Variants in MFSD11 observed in about 807,000 individuals in gnomAD.
MFSD11 encodes major facilitator superfamily domain containing 11.
MFSD11 carries 36 observed loss-of-function variants against 53.5 expected under a neutral mutation model. The observed-to-expected ratio is 0.67, with a 90% CI of 0.52 to 0.89. The LOEUF is 0.89. Among genes scored for constraint, MFSD11 ranks in the 40% least tolerant of loss-of-function variants. MFSD11 has a pLI of 0.00. For synonymous variants in MFSD11, 186 were observed against 184.9 expected, an observed-to-expected ratio of 1.01 and a Z score of -0.05; for missense variants, 530 against 543.9, an observed-to-expected ratio of 0.97 and a Z score of 0.25.
the MFSD11 span, among the ~76,000 whole-genome samples, chr17:76,788,379 G>T: frequency 6.8e-6 from 1 of 147,984 alleles, no homozygotes; most frequent in Non-Finnish European, 1.5e-5. Context: ...TTTTGTTGTT[G>T]TTTTGAGACA....
chr17:76,767,157 A>T, intron 8 of MFSD11: 1 of 404,786 alleles, frequency 2.5e-6, no homozygotes, highest in Non-Finnish European at 4.4e-6. Flanking sequence ...GAGCTGGAAA[A>T]TGTGCTGAGG....
Position 76,741,933 on chromosome 17 carries a change from C to A in MFSD11, c.261-36C>A, listed in dbSNP as rs550396620. 5 of 1,613,578 alleles carry A rather than the reference C, an allele frequency of 3.1e-6. No homozygotes were observed. The Middle Eastern group carries it at 8.3e-4, about 266-fold the overall frequency. ...ATAATTGGCATTCTATTTCAGGTAT[C>A]GTTTGACTGTAATACCTTGACCTGT... On this transcript the variant is annotated intron_variant, in intron 3 of 12. Coordinates refer to ENST00000685175, the MANE Select transcript of MFSD11 (RefSeq NM_001242532.5).
chr17:76,792,176 T>C, the MFSD11 span, among the ~76,000 whole-genome samples: 1 of 149,020 alleles, frequency 6.7e-6, no homozygotes, highest in Non-Finnish European at 1.5e-5. Context: ...AGGAGTGCAG[T>C]GGCACTATCT....
At chr17:76,740,844 AAT>A (rs1321603252) in intron 2 of MFSD11, 111 bp from the exon 3 acceptor site, 4 of 657,138 alleles carry the variant, frequency 6.1e-6, no homozygotes, top group African/African-American at 5.5e-5. Flanking sequence ...CTGACTAAAT[AAT>A]ATGAGTGTTT....
At chr17:76,757,301 A>G (rs2079750111) in intron 8 of MFSD11, among the ~76,000 whole-genome samples, 1 of 152,158 alleles carries the variant, frequency 6.6e-6, no homozygotes, top group African/African-American at 2.4e-5. Context: ...TTATCATAGG[A>G]TATTGGGCTG....
rs1238223385 is a variant in MFSD11, at chr17:76,774,997, G to A, written c.875G>A (p.Gly292Asp). 3 of 1,613,216 alleles carry A rather than the reference G, an allele frequency of 1.9e-6. No homozygotes were observed. Among genetic ancestry groups the A allele is most frequent in the East Asian group, 2.2e-5 (1 of 44,846 alleles). ...GIFIGIGEILGGSLFGLLSKN... is the reference protein window; with the variant it reads ...GIFIGIGEILDGSLFGLLSKN... ...ACGTTTCTGCCATCTTGACTTATAG[G>A]TGGAAGCCTCTTCGGCCTGCTGAGC... The change falls in exon 11 of 13, where the codon GGT (glycine) becomes GAT (aspartate). Residue 292 changes from glycine (G) to aspartate (D), a missense_variant and splice_region_variant. Coordinates refer to ENST00000685175, the MANE Select transcript of MFSD11 (RefSeq NM_001242532.5).
the MFSD11 span, among the ~76,000 whole-genome samples, chr17:76,794,680 T>C: frequency 4.1e-4 from 1 of 2,414 alleles, no homozygotes; most frequent in Non-Finnish European, 2.0e-3. Flanking sequence ...AGATGTACTC[T>C]TTTTTTTTTT....
chr17:76,753,873 C>T (rs561328029), intron 7 of MFSD11, among the ~76,000 whole-genome samples, 174 bp from the exon 8 acceptor site: 9 of 151,886 alleles, frequency 5.9e-5, no homozygotes, highest in Non-Finnish European at 1.2e-4. Context: ...AAACCTGAAG[C>T]GAGGGTGTGG....
At chr17:76,741,485 A>G (rs1673582489) in intron 3 of MFSD11, among the ~76,000 whole-genome samples, 1 of 152,142 alleles carries the variant, frequency 6.6e-6, no homozygotes. Context: ...TGAAATAATA[A>G]ATTATGGGCC....
the MFSD11 span, among the ~76,000 whole-genome samples, chr17:76,792,124 CT>C: frequency 8.8e-4 from 124 of 141,242 alleles, no homozygotes; most frequent in Non-Finnish European, 1.0e-3. Context: ...ACCAGGCACC[CT>C]TTTTTTTTTT....
chr17:76,736,745 C>T (rs2077518625), upstream of MFSD11: 1 of 1,392,188 alleles, frequency 7.2e-7, no homozygotes, highest in Non-Finnish European at 9.3e-7. Flanking sequence ...TGAGGTCGCC[C>T]GGGCCTCCCG....
At chr17:76,798,168 C>G in the MFSD11 span, among the ~76,000 whole-genome samples, 1 of 152,032 alleles carries the variant, frequency 6.6e-6, no homozygotes, top group Non-Finnish European at 1.5e-5. Flanking sequence ...GATTACACGT[C>G]GGAGCCACCA....
At chr17:76,747,000 C>T (rs937238707) in intron 7 of MFSD11, among the ~76,000 whole-genome samples, 1 of 147,976 alleles carries the variant, frequency 6.8e-6, no homozygotes, top group Admixed American at 6.6e-5. Context: ...CCTCTGCCTC[C>T]CGGGTTCAAG....
chr17:76,760,287 A>G (rs1314411769), intron 8 of MFSD11, among the ~76,000 whole-genome samples: 1 of 151,896 alleles, frequency 6.6e-6, no homozygotes, highest in Non-Finnish European at 1.5e-5. Context: ...CAAAAAAAAA[A>G]AAAAAGAAAA....
chr17:76,743,559 C>G (rs1183892164), intron 6 of MFSD11, 103 bp downstream of exon 6: 3 of 629,376 alleles, frequency 4.8e-6, no homozygotes, highest in Non-Finnish European at 7.8e-6. Flanking sequence ...TCTCATGAAC[C>G]CCGACACCTC....
intron 10 of MFSD11, among the ~76,000 whole-genome samples, chr17:76,772,287 T>C (rs939763413): frequency 5.3e-5 from 8 of 151,554 alleles, no homozygotes; most frequent in Non-Finnish European, 1.0e-4. Flanking sequence ...TAGCCAGGTG[T>C]AGTGGCGTAT....
intron 8 of MFSD11, among the ~76,000 whole-genome samples, chr17:76,759,496 C>T (rs1432048644): frequency 2.0e-5 from 3 of 151,780 alleles, no homozygotes; most frequent in Non-Finnish European, 4.4e-5. Flanking sequence ...GCTCTGTCAC[C>T]CAGGCTGGAG....
the MFSD11 span, among the ~76,000 whole-genome samples, chr17:76,803,228 TTATAAC>T: frequency 6.6e-6 from 1 of 151,694 alleles, no homozygotes; most frequent in Non-Finnish European, 1.5e-5. Context: ...CATGGCAAAA[TTATAAC>T]TGAGACAGTG....
At chr17:76,794,274 AG>A in the MFSD11 span, among the ~76,000 whole-genome samples, 1 of 151,106 alleles carries the variant, frequency 6.6e-6, no homozygotes. Context: ...ACCTGAGGTC[AG>A]GAGTTCGAGA....
Sources: gnomAD v4.1 joint callset for allele counts (sites outside exome capture counted in the v4.1 genomes callset) on GRCh38, gnomAD v4.1.1 for gene constraint, MANE v1.5 for transcripts, NCBI Gene and HGNC (gene_info 2026-07-23, HGNC 2026-07-21) for gene names.